Variants in PARD3 observed in about 807,000 individuals in gnomAD.
PARD3 encodes par-3 family cell polarity regulator.
Under a neutral mutation model 155.4 loss-of-function variants are expected in PARD3, and 75 were observed. The observed-to-expected ratio is 0.48, with a 90% CI of 0.40 to 0.58. The LOEUF is 0.58. PARD3 is among the 20% of genes least tolerant of loss of function. The pLI is 0.00. For missense variants in PARD3, 1,642 were observed against 1,721.7 expected, an observed-to-expected ratio of 0.95 and a Z score of 0.82; for synonymous variants, 576 against 610.5, an observed-to-expected ratio of 0.94 and a Z score of 0.83.
At chr10:34,346,071 G>A in intron 15 of PARD3, 1 of 987,358 alleles carries the variant, frequency 1.0e-6, no homozygotes, top group South Asian at 4.7e-5. Context: ...AGCCCAAAGT[G>A]GTAAAAGGGC....
intron 22 of PARD3, among the ~76,000 whole-genome samples, chr10:34,152,776 C>A (rs1948837731): frequency 6.6e-6 from 1 of 152,000 alleles, no homozygotes; most frequent in Admixed American, 6.6e-5. Context: ...CCCATGCAGA[C>A]AACTGGCCGT....
chr10:34,516,120 A>G (rs762567422), intron 3 of PARD3, among the ~76,000 whole-genome samples: 1 of 151,924 alleles, frequency 6.6e-6, no homozygotes, highest in Admixed American at 6.6e-5. Flanking sequence ...AACCGCCACC[A>G]CGCCTGGCTA....
intron 5 of PARD3, among the ~76,000 whole-genome samples, chr10:34,441,399 G>T (rs779213022): frequency 6.6e-6 from 1 of 152,110 alleles, no homozygotes; most frequent in Non-Finnish European, 1.5e-5. Flanking sequence ...TCCCCATTTT[G>T]TATACAATGA....
In PARD3 at chr10:34,239,487, T is replaced by C. The variant is rs1953441849; in HGVS notation, c.3419+30170A>G. Among the ~76,000 whole-genome samples the C allele has an allele frequency of 3.3e-5, 5 of 152,172 alleles. 1 individual carries two copies. The highest frequency in any genetic ancestry group is 3.2e-3 in the Middle Eastern group (1 of 316). ...CCTGGTTCCCCTAAGATCTTTCTGCTAAAACCAAAGTTTTTAAAAATTGGT... is the reference window on the plus strand; with the variant it reads ...CCTGGTTCCCCTAAGATCTTTCTGCCAAAACCAAAGTTTTTAAAAATTGGT... On this transcript the variant is annotated intron_variant, in intron 22 of 24. Coordinates refer to ENST00000374788, the MANE Select transcript of PARD3 (RefSeq NM_001184785.2).
chr10:34,459,849 C>G (rs1220956670), intron 4 of PARD3, among the ~76,000 whole-genome samples: 1 of 151,996 alleles, frequency 6.6e-6, no homozygotes, highest in Admixed American at 6.6e-5. Context: ...TTTTTCAGCC[C>G]ACAATCCAAA....
rs1956281318 is a variant in PARD3 at position 34,284,162 on chromosome 10, CTCTCCTCT to C, written c.3141_3148del (p.Glu1048AspfsTer18). ...CTCCTGCTCCTGCTTCATTCGTATC[CTCTCCTCT>C]TCTGATGTAAAGGATTCCTGTATTT... On this transcript the variant is annotated frameshift_variant, in exon 21 of 25. Coordinates refer to ENST00000374788, the MANE Select transcript of PARD3 (RefSeq NM_001184785.2). LOFTEE classifies it high-confidence loss of function. 6.2e-7 allele frequency: 1 copy of C among 1,601,252 alleles called. No individual in the cohort carries two copies. Among genetic ancestry groups the C allele is most frequent in the Admixed American group, 1.7e-5 (1 of 58,664 alleles).
chr10:34,181,606 T>C (rs779839931), intron 22 of PARD3, among the ~76,000 whole-genome samples: 3 of 152,044 alleles, frequency 2.0e-5, no homozygotes, highest in Non-Finnish European at 2.9e-5. Context: ...ACATACACAG[T>C]TTTCTATTCT....
At chr10:34,550,307 A>G (rs1387719499) in intron 2 of PARD3, among the ~76,000 whole-genome samples, 1 of 152,144 alleles carries the variant, frequency 6.6e-6, no homozygotes, top group Non-Finnish European at 1.5e-5. Flanking sequence ...AAAGTCCTGG[A>G]TTCCAGCGAT....
intron 22 of PARD3, among the ~76,000 whole-genome samples, chr10:34,158,440 G>A (rs147718099): frequency 5.9e-5 from 9 of 152,284 alleles, no homozygotes; most frequent in African/African-American, 2.2e-4. Context: ...TCCATTTCAT[G>A]TTACCCATGT....
At chr10:34,596,748 G>A (rs552793985) in intron 2 of PARD3, among the ~76,000 whole-genome samples, 5 of 152,288 alleles carry the variant, frequency 3.3e-5, no homozygotes, top group Admixed American at 6.5e-5. Flanking sequence ...AATTCCAGGC[G>A]CTGGGAGGAT....
At chr10:34,333,940 TTTAGAAAAAAAA>T (rs2134249828) in intron 18 of PARD3, among the ~76,000 whole-genome samples, 1 of 152,066 alleles carries the variant, frequency 6.6e-6, no homozygotes, top group African/African-American at 2.4e-5. Context: ...GTCAAATGTC[TTTAGAAAAAAAA>T]TTAAAAGGAT....
intron 12 of PARD3, among the ~76,000 whole-genome samples, chr10:34,363,006 GA>G (rs1479814250): frequency 6.6e-6 from 1 of 152,124 alleles, no homozygotes; most frequent in Non-Finnish European, 1.5e-5. Flanking sequence ...AGCTACATTT[GA>G]AAAAATGGAA....
intron 22 of PARD3, among the ~76,000 whole-genome samples, chr10:34,154,944 T>C (rs759929352): frequency 2.0e-5 from 3 of 152,320 alleles, no homozygotes; most frequent in Admixed American, 6.5e-5. Flanking sequence ...ATGTAAATTG[T>C]TGAGAATACA....
chr10:34,432,354 ACACACAC>A (rs1165515333), intron 5 of PARD3, among the ~76,000 whole-genome samples: 3 of 145,522 alleles, frequency 2.1e-5, no homozygotes, highest in Non-Finnish European at 4.5e-5. Context: ...ACACACACAC[ACACACAC>A]ACACACACAC....
intron 4 of PARD3, among the ~76,000 whole-genome samples, chr10:34,460,563 G>A (rs1000805711): frequency 3.9e-5 from 6 of 152,164 alleles, no homozygotes; most frequent in African/African-American, 1.4e-4. Flanking sequence ...GCCGGGCGCG[G>A]GGGCTCACAC....
chr10:34,727,661 T>C (rs2094739199), intron 1 of PARD3, among the ~76,000 whole-genome samples: 1 of 152,156 alleles, frequency 6.6e-6, no homozygotes, highest in Non-Finnish European at 1.5e-5. Flanking sequence ...AGGTTTTCTT[T>C]CTGCTCCCGG....
At chr10:34,804,304 T>C (rs1335667559) in intron 1 of PARD3, among the ~76,000 whole-genome samples, 1 of 152,212 alleles carries the variant, frequency 6.6e-6, no homozygotes, top group Non-Finnish European at 1.5e-5. Flanking sequence ...CCCAAAGTGC[T>C]GGGATTACAG....
intron 22 of PARD3, among the ~76,000 whole-genome samples, chr10:34,261,845 C>CAAACAA (rs375523699): frequency 2.1e-5 from 3 of 140,028 alleles, no homozygotes; most frequent in African/African-American, 8.4e-5. Flanking sequence ...AACAAACAAA[C>CAAACAA]ACACACACAC....
intron 5 of PARD3, 60 bp from the exon 6 acceptor site, chr10:34,401,977 A>G: frequency 7.7e-7 from 1 of 1,300,616 alleles, no homozygotes; most frequent in Non-Finnish European, 1.1e-6. Flanking sequence ...CTACAATGTG[A>G]AAGGAAACTG....
Sources: gnomAD v4.1 joint callset for allele counts (sites outside exome capture counted in the v4.1 genomes callset) on GRCh38, gnomAD v4.1.1 for gene constraint, MANE v1.5 for transcripts, NCBI Gene and HGNC (gene_info 2026-07-23, HGNC 2026-07-21) for gene names.